The following USP3 variants were observed in gnomAD, a reference collection of about 807,000 sequenced individuals.
USP3 encodes the protein ubiquitin carboxyl-terminal hydrolase 3.
USP3 carries 20 observed loss-of-function variants against 72.3 expected under a neutral mutation model. That is an observed-to-expected ratio of 0.28 (90% CI 0.19 to 0.40). The LOEUF is 0.40. Ranked by LOEUF, USP3 falls within the 10% of genes least tolerant of loss-of-function variation. USP3 has a pLI of 1.00. For missense variants in USP3, 479 were observed against 633.9 expected, an observed-to-expected ratio of 0.76 and a Z score of 2.62; for synonymous variants, 222 against 225.3, an observed-to-expected ratio of 0.99 and a Z score of 0.13.
intron 1 of USP3, among the ~76,000 whole-genome samples, chr15:63,512,800 G>A (rs1013129520): frequency 2.0e-5 from 3 of 152,186 alleles, no homozygotes; most frequent in African/African-American, 7.2e-5. Context: ...CTTTATGGAT[G>A]TATACAATGC....
chr15:63,509,989 C>G (rs72750927), intron 1 of USP3, among the ~76,000 whole-genome samples: 3,558 of 152,222 alleles, frequency 0.023, 54 homozygotes, highest in Non-Finnish European at 0.038. Context: ...GGGAAGAATT[C>G]GAACTCTTTG....
At chr15:63,577,086 A>C (rs2066876531) in intron 11 of USP3, among the ~76,000 whole-genome samples, 1 of 152,214 alleles carries the variant, frequency 6.6e-6, no homozygotes, top group Non-Finnish European at 1.5e-5. Flanking sequence ...TAACTTAAGT[A>C]ACTTTTGAAA....
chr15:63,570,558 C>A lies in USP3; in HGVS notation c.887C>A (p.Ser296Tyr), dbSNP rs776254070. 2 of 1,613,228 alleles carry A rather than the reference C, an allele frequency of 1.2e-6. No individual in the cohort carries two copies. Among genetic ancestry groups the A allele is most frequent in the South Asian group, 1.1e-5 (1 of 90,930 alleles). The part of the protein sequence containing the change: ...SAILQENSTL[S>Y]ASNKCCINGA... ...ATTCTGCAGGAGAATTCTACTCTGT[C>A]TGCAAGTAACAAGTGTTGCATGTAA... is the stretch of plus-strand genomic sequence containing the variant. Residue 296 changes from serine to tyrosine, a missense_variant, in exon 9 of 15, where the codon TCT becomes TAT. Coordinates refer to ENST00000380324, the MANE Select transcript of USP3 (RefSeq NM_006537.4). This position sits in a 1 kb window ranked among gnomAD's most constrained non-coding sequence, Gnocchi z 4.4.
intron 1 of USP3, among the ~76,000 whole-genome samples, chr15:63,507,196 G>GA (rs912125916): frequency 6.6e-6 from 1 of 152,032 alleles, no homozygotes; most frequent in African/African-American, 2.4e-5. Flanking sequence ...TTAAGGAGGG[G>GA]AAAATCCCTG....
chr15:63,524,387 A>G (rs1463713413), intron 1 of USP3, among the ~76,000 whole-genome samples: 1 of 152,180 alleles, frequency 6.6e-6, no homozygotes, highest in Non-Finnish European at 1.5e-5. Flanking sequence ...ATGCTGCATC[A>G]CTGATACTGC....
chr15:63,504,682 C>T lies in USP3; in HGVS notation c.-58C>T, dbSNP rs2065683737. On this transcript the variant is annotated 5_prime_UTR_variant, in exon 1 of 15. Coordinates refer to ENST00000380324, the MANE Select transcript of USP3 (RefSeq NM_006537.4). Reference sequence around the variant, plus strand: ...CCAGACGGAGCCTCCGGAGTTCCTCCGCCCCCACCTCGCCGGGTCCTGGAG... The same window carrying T: ...CCAGACGGAGCCTCCGGAGTTCCTCTGCCCCCACCTCGCCGGGTCCTGGAG... 1 of 1,448,610 alleles carries T rather than the reference C, an allele frequency of 6.9e-7. No individual in the cohort carries two copies. The highest frequency in any genetic ancestry group is 9.3e-7 in the Non-Finnish European group (1 of 1,075,936). The allele number at this position is 1,448,610 out of a possible 1,614,324, so 89.7% of individuals were successfully genotyped here. A position where few individuals can be genotyped will look rare whatever the true frequency, so the allele number is the denominator to read the frequency against.
At chr15:63,545,847 T>C (rs956536021) in intron 3 of USP3, among the ~76,000 whole-genome samples, 2 of 151,824 alleles carry the variant, frequency 1.3e-5, no homozygotes, top group African/African-American at 4.8e-5. Flanking sequence ...GGCACGTGTC[T>C]GTAGTCTCAG....
At chr15:63,584,308 A>G (rs1424731610) in intron 11 of USP3, among the ~76,000 whole-genome samples, 1 of 151,968 alleles carries the variant, frequency 6.6e-6, no homozygotes, top group Non-Finnish European at 1.5e-5. Flanking sequence ...TGTGTTAGCC[A>G]TGATGGTCTC....
intron 6 of USP3, among the ~76,000 whole-genome samples, chr15:63,559,494 G>A (rs1385225395): frequency 3.3e-5 from 5 of 152,098 alleles, no homozygotes; most frequent in Non-Finnish European, 5.9e-5. Flanking sequence ...TAATATGGTC[G>A]GTTTCATGGT....
intron 3 of USP3, among the ~76,000 whole-genome samples, chr15:63,552,400 T>G (rs2066449973): frequency 6.6e-6 from 1 of 152,222 alleles, no homozygotes; most frequent in Admixed American, 6.5e-5. Flanking sequence ...ATTTAATTTC[T>G]TTATGTAGTT....
At chr15:63,550,139 C>G (rs577152276) in intron 3 of USP3, among the ~76,000 whole-genome samples, 45 of 152,334 alleles carry the variant, frequency 3.0e-4, no homozygotes, top group African/African-American at 1.1e-3. Context: ...CCTGCCTCAG[C>G]CTCCTGAGTA....
intron 3 of USP3, among the ~76,000 whole-genome samples, chr15:63,541,175 C>A (rs2152663769): frequency 6.6e-6 from 1 of 152,170 alleles, no homozygotes; most frequent in South Asian, 2.1e-4. Context: ...AAAGTATATT[C>A]CTTCAGGGCA....
At chr15:63,586,253 G>A (rs2067059063) in intron 11 of USP3, among the ~76,000 whole-genome samples, 1 of 152,136 alleles carries the variant, frequency 6.6e-6, no homozygotes, top group Non-Finnish European at 1.5e-5. Context: ...TTGTCTTCCT[G>A]ATCTTGGAGG....
chr15:63,588,922 C>T lies in USP3; in HGVS notation c.1330-22C>T, dbSNP rs763237285. 5.3e-5 allele frequency: 86 copies of T among 1,613,986 alleles called. No homozygotes were observed. The highest frequency in any genetic ancestry group is 6.9e-5 in the Non-Finnish European group (81 of 1,179,992). Reference sequence around the variant, plus strand: ...GAGATACTGATGTCATTGACCACTGCTCCTTCTTCCTTGTTCTGTAGCCTG... The same window carrying T: ...GAGATACTGATGTCATTGACCACTGTTCCTTCTTCCTTGTTCTGTAGCCTG... On this transcript the variant is annotated intron_variant, in intron 13 of 14. Coordinates refer to ENST00000380324, the MANE Select transcript of USP3 (RefSeq NM_006537.4). This position sits in a 1 kb window ranked among gnomAD's most constrained non-coding sequence, Gnocchi z 4.6.
At chr15:63,563,703 TG>T (rs2066644011) in intron 8 of USP3, among the ~76,000 whole-genome samples, 2 of 152,220 alleles carry the variant, frequency 1.3e-5, no homozygotes, top group Non-Finnish European at 2.9e-5. Flanking sequence ...TTTACCCTTC[TG>T]AAGCAAGTCA....
At chr15:63,537,293 G>A in intron 3 of USP3, 137 bp downstream of exon 3, 1 of 1,013,136 alleles carries the variant, frequency 9.9e-7, no homozygotes, top group Non-Finnish European at 1.4e-6. Flanking sequence ...CGGAGGACTG[G>A]AGCCATTGGG....
At chr15:63,518,124 A>G (rs1317071937) in intron 1 of USP3, among the ~76,000 whole-genome samples, 1 of 152,176 alleles carries the variant, frequency 6.6e-6, no homozygotes, top group Non-Finnish European at 1.5e-5. Context: ...AATGGATCTT[A>G]TTAGTTACTC....
rs35244583 is a variant in USP3 at position 63,520,554 on chromosome 15, A to ATTTTTTTTTTTTTTTTTTTTTTTTTTTTT, written c.92-12066_92-12065insTTTTTTTTTTTTTTTTTTTTTTTTTTTTT. ...TTTGTTTGTTTGATTTCTGTTTTAGATTTTTTTTTTTTTTTTTTTTTTTTT... is the reference window on the plus strand; with the variant it reads ...TTTGTTTGTTTGATTTCTGTTTTAGATTTTTTTTTTTTTTTTTTTTTTTTTTTTTTTTTTTTTTTTTTTTTTTTTTTTTT... On this transcript the variant is annotated intron_variant, in intron 1 of 14. Transcript: ENST00000380324. Among the ~76,000 whole-genome samples, 6 of 105,424 alleles carry ATTTTTTTTTTTTTTTTTTTTTTTTTTTTT rather than the reference A, an allele frequency of 5.7e-5. 3 individuals are homozygous for ATTTTTTTTTTTTTTTTTTTTTTTTTTTTT. Among genetic ancestry groups the ATTTTTTTTTTTTTTTTTTTTTTTTTTTTT allele is most frequent in the African/African-American group, 2.3e-4 (6 of 26,548 alleles). The allele number at this position is 105,424 out of a possible 152,430, so 69.2% of individuals were successfully genotyped here. A position where few individuals can be genotyped will look rare whatever the true frequency, so the allele number is the denominator to read the frequency against.
chr15:63,518,772 T>C (rs1345266194), intron 1 of USP3, among the ~76,000 whole-genome samples: 1 of 152,072 alleles, frequency 6.6e-6, no homozygotes, highest in Admixed American at 6.5e-5. Context: ...AGAACAGGTC[T>C]CTTTTTTTTT....
Sources: allele counts gnomAD v4.1 joint callset (sites outside exome capture counted in the v4.1 genomes callset), GRCh38; gene constraint gnomAD v4.1.1; non-coding constraint Gnocchi (gnomAD v3.1); transcripts MANE v1.5; gene names NCBI Gene and HGNC (gene_info 2026-07-23, HGNC 2026-07-21).